LARP4: variants seen among roughly 807,000 people sequenced by gnomAD.
LARP4 encodes La ribonucleoprotein 4.
Under a neutral mutation model 92.9 loss-of-function variants are expected in LARP4, and 29 were observed. That is an observed-to-expected ratio of 0.31 (90% CI 0.23 to 0.43). The LOEUF (loss-of-function observed/expected upper bound fraction) is 0.43. Among genes scored for constraint, LARP4 ranks in the 20% least tolerant of loss-of-function variants. The pLI is 1.00. For missense variants in LARP4, 732 were observed against 860.0 expected (o/e 0.85, Z 1.86); for synonymous variants, 279 against 284.1 (o/e 0.98, Z 0.18).
intron 1 of LARP4, among the ~76,000 whole-genome samples, chr12:50,414,273 C>G (rs1946396593): frequency 6.6e-6 from 1 of 152,040 alleles, no homozygotes; most frequent in Non-Finnish European, 1.5e-5. Context: ...AGTATTGTAA[C>G]CTTTCAGGTC....
rs1268917748 is a variant in LARP4, at chr12:50,458,420, A to G, written c.1122-2715A>G. 1.0e-3 allele frequency among the ~76,000 whole-genome samples: 158 copies of G among 152,192 alleles called. 3 individuals are homozygous for G. Among genetic ancestry groups the G allele is most frequent in the Non-Finnish European group, 2.4e-4 (16 of 68,006 alleles). On this transcript the variant is annotated intron_variant, in intron 10 of 15. Transcript: ENST00000398473. The stretch of plus-strand genomic sequence containing the variant: ...GCTGGGATTACAGGTGTGAGCCACC[A>G]CACCCAGCTACTTTAAGTTTTAATA...
intron 1 of LARP4, among the ~76,000 whole-genome samples, chr12:50,419,090 G>C (rs188357538): frequency 6.6e-6 from 1 of 152,136 alleles, no homozygotes; most frequent in Non-Finnish European, 1.5e-5. Context: ...GCTGGGCATG[G>C]TGGTTCATGC....
In LARP4 at chr12:50,427,063, A is replaced by G. The variant is rs376910177; in HGVS notation, c.19-699A>G. The stretch of plus-strand genomic sequence containing the variant: ...TCAAGAGATTACCTTAAATGGCACT[A>G]TTTAAAGTAGTTATGCTGTGGACTT... On this transcript the variant is annotated intron_variant, in intron 1 of 15. Coordinates refer to ENST00000398473, the MANE Select transcript of LARP4 (RefSeq NM_052879.5). 1.4e-4 allele frequency among the ~76,000 whole-genome samples: 22 copies of G among 152,220 alleles called. No homozygotes were observed. In the East Asian group the frequency reaches 3.7e-3, roughly 25 times the overall value.
chr12:50,433,327 G>T (rs1949966300), intron 4 of LARP4, among the ~76,000 whole-genome samples: 2 of 145,024 alleles, frequency 1.4e-5, no homozygotes, highest in African/African-American at 5.2e-5. Flanking sequence ...TGCAGTGGAA[G>T]CTCCTACTTG....
chr12:50,405,775 T>A (rs1592708873), intron 1 of LARP4, among the ~76,000 whole-genome samples: 1 of 152,186 alleles, frequency 6.6e-6, no homozygotes, highest in East Asian at 1.9e-4. Context: ...CCCTCAGTAT[T>A]TGTGGGAAAT....
chr12:50,401,789 A>G (rs531139746), intron 1 of LARP4, among the ~76,000 whole-genome samples: 2 of 152,344 alleles, frequency 1.3e-5, no homozygotes, highest in African/African-American at 2.4e-5. Context: ...TATTTGAACA[A>G]TGAGACACTT....
At chr12:50,416,803 CCTGTCT>C (rs1946871465) in intron 1 of LARP4, among the ~76,000 whole-genome samples, 1 of 151,496 alleles carries the variant, frequency 6.6e-6, no homozygotes, top group Non-Finnish European at 1.5e-5. Flanking sequence ...ATGATGAAAT[CCTGTCT>C]CTACAAAAAG....
chr12:50,469,473 G>A (rs1956625739), intron 13 of LARP4, among the ~76,000 whole-genome samples: 1 of 151,722 alleles, frequency 6.6e-6, no homozygotes, highest in Non-Finnish European at 1.5e-5. Context: ...GCATGGTGGC[G>A]GGTGCCTGTA....
chr12:50,410,924 C>A (rs1299618682), intron 1 of LARP4, among the ~76,000 whole-genome samples: 1 of 152,034 alleles, frequency 6.6e-6, no homozygotes, highest in East Asian at 1.9e-4. Flanking sequence ...TCCACTGGTA[C>A]TAGAGTACCA....
Position 50,454,301 on chromosome 12 carries a change from C to A in LARP4, c.1018-13C>A. On this transcript the variant is annotated splice_polypyrimidine_tract_variant and intron_variant, in intron 9 of 15. Transcript: ENST00000398473. Reference sequence around the variant, plus strand: ...TTGCCATTAATATTGTTTAAACATACATTTTTTTCTAGGCTCCCTTTCCCA... The same window carrying A: ...TTGCCATTAATATTGTTTAAACATAAATTTTTTTCTAGGCTCCCTTTCCCA... 3 of 1,594,868 alleles carry A rather than the reference C, an allele frequency of 1.9e-6. No homozygotes were observed. The highest frequency in any genetic ancestry group is 2.6e-6 in the Non-Finnish European group (3 of 1,164,500).
At chr12:50,445,011 A>AC (rs1260120819) in intron 8 of LARP4, among the ~76,000 whole-genome samples, 1 of 96,906 alleles carries the variant, frequency 1.0e-5, no homozygotes. Context: ...CCTCGCACCC[A>AC]CCCCCGGCCC....
At chr12:50,431,718 C>T (rs1175046940) in intron 4 of LARP4, among the ~76,000 whole-genome samples, 1 of 151,386 alleles carries the variant, frequency 6.6e-6, no homozygotes, top group African/African-American at 2.4e-5. Flanking sequence ...TGGTGGTGGG[C>T]GCCTGTAATC....
In LARP4 at chr12:50,475,639, A is replaced by G; in HGVS notation, c.1950A>G (p.Lys650=). 1 of 1,614,170 alleles carries G rather than the reference A, an allele frequency of 6.2e-7. No individual in the cohort carries two copies. Residue 650 remains lysine (K), a synonymous_variant, in exon 16 of 16, where the codon AAA becomes AAG. Coordinates refer to ENST00000398473, the MANE Select transcript of LARP4 (RefSeq NM_052879.5). ...GCTCCAATGTGGTGTCTCCCACCAA[A>G]AATGAAGACAATGGAGCTCCTGAGA... The part of the protein sequence containing the change: ...ELRSNVVSPT[K]NEDNGAPENS...
Position 50,473,921 on chromosome 12 carries a change from T to G in LARP4, c.1668-78T>G, listed in dbSNP as rs1201831104. 6 of 1,278,416 alleles carry G rather than the reference T, an allele frequency of 4.7e-6. No individual in the cohort carries two copies. In the Admixed American group the frequency reaches 1.3e-4, roughly 27 times the overall value. The allele number at this position is 1,278,416 out of a possible 1,614,324, so 79.2% of individuals were successfully genotyped here. Reference sequence around the variant, plus strand: ...TGAGACTCCGTCTCAAAAAAAAAAATTACGTTTTCTTCTGATTAGTTGCTC... The same window carrying G: ...TGAGACTCCGTCTCAAAAAAAAAAAGTACGTTTTCTTCTGATTAGTTGCTC... On this transcript the variant is annotated intron_variant, in intron 14 of 15. Transcript: ENST00000398473.
chr12:50,468,221 G>A (rs1028628070), intron 13 of LARP4, among the ~76,000 whole-genome samples: 2 of 152,028 alleles, frequency 1.3e-5, no homozygotes, highest in Admixed American at 6.6e-5. Context: ...CTTGCGATCC[G>A]CCCACCTCGG....
chr12:50,431,343 T>C (rs919642388), intron 4 of LARP4, among the ~76,000 whole-genome samples: 1 of 152,178 alleles, frequency 6.6e-6, no homozygotes, highest in Non-Finnish European at 1.5e-5. Context: ...GAAGTTTGCA[T>C]TGGATGTTTT....
chr12:50,430,806 G>A (rs1441312832), intron 4 of LARP4, among the ~76,000 whole-genome samples: 2 of 151,830 alleles, frequency 1.3e-5, no homozygotes, highest in African/African-American at 2.4e-5. Flanking sequence ...GATTACAGGC[G>A]TGCAGCCACC....
At chr12:50,459,027 T>C (rs1334485659) in intron 10 of LARP4, among the ~76,000 whole-genome samples, 1 of 152,156 alleles carries the variant, frequency 6.6e-6, no homozygotes, top group Non-Finnish European at 1.5e-5. Context: ...AGACGGAGTT[T>C]TGTTTTTGTT....
chr12:50,461,713 T>C (rs1369658267), intron 11 of LARP4, among the ~76,000 whole-genome samples: 1 of 152,100 alleles, frequency 6.6e-6, no homozygotes, highest in Non-Finnish European at 1.5e-5. Context: ...TCCCAACACT[T>C]TGGGAGGCCG....
Sources: gnomAD v4.1 joint callset for allele counts (sites outside exome capture counted in the v4.1 genomes callset) on GRCh38, gnomAD v4.1.1 for gene constraint, MANE v1.5 for transcripts, NCBI Gene and HGNC (gene_info 2026-07-23, HGNC 2026-07-21) for gene names.